RUNX1: variants seen among roughly 807,000 people sequenced by gnomAD.
The protein encoded by RUNX1 is RUNX family transcription factor 1.
RUNX1 carries 19 observed loss-of-function variants against 42.8 expected under a neutral mutation model. The ratio of observed to expected loss-of-function variants is 0.44; its 90% CI spans 0.31 to 0.65. The LOEUF (loss-of-function observed/expected upper bound fraction) is 0.65, where lower values mean the gene tolerates loss of function less well. Ranked by LOEUF, RUNX1 falls within the 30% of genes least tolerant of loss-of-function variation. The pLI is 0.07. For missense variants in RUNX1, 528 were observed against 672.0 expected (o/e 0.79, Z 2.37); for synonymous variants, 271 against 289.4 (o/e 0.94, Z 0.64).
At chr21:34,949,822 C>A (rs940626106) in intron 2 of RUNX1, among the ~76,000 whole-genome samples, 2 of 152,336 alleles carry the variant, frequency 1.3e-5, no homozygotes, top group Middle Eastern at 3.4e-3. Context: ...AGGAACTAGG[C>A]CCTGGGAGTA....
intron 2 of RUNX1, among the ~76,000 whole-genome samples, chr21:34,968,504 C>G (rs2058737237): frequency 6.6e-6 from 1 of 152,132 alleles, no homozygotes; most frequent in Non-Finnish European, 1.5e-5. Flanking sequence ...AACACCTTTC[C>G]TACCTTACCG....
intron 2 of RUNX1, among the ~76,000 whole-genome samples, chr21:34,927,420 TA>T: frequency 6.6e-6 from 1 of 152,228 alleles, no homozygotes; most frequent in Non-Finnish European, 1.5e-5. Context: ...ATGATGCAAC[TA>T]GTTTCCCAGA....
intron 8 of RUNX1, among the ~76,000 whole-genome samples, chr21:34,795,643 C>T (rs1430565495): frequency 6.6e-6 from 1 of 152,184 alleles, no homozygotes; most frequent in Non-Finnish European, 1.5e-5. Context: ...TGAGGCTGCC[C>T]TTCCTTGGCC....
At chr21:34,969,776 C>A (rs66816131) in intron 2 of RUNX1, among the ~76,000 whole-genome samples, 59,769 of 148,766 alleles carry the variant, frequency 0.4, 12,568 homozygotes, top group East Asian at 0.56. Context: ...AAAAAAAAAA[C>A]AAAGGCCAGG....
rs868387185 is a variant in RUNX1, at chr21:34,792,191, G to T, written c.1387C>A (p.Pro463Thr). 6.5e-7 allele frequency: 1 copy of T among 1,537,356 alleles called. No individual in the cohort carries two copies. Among genetic ancestry groups the T allele is most frequent in the East Asian group, 2.4e-5 (1 of 41,450 alleles). Residue 463 changes from proline (P) to threonine (T), a missense_variant, in exon 9 of 9, where the codon CCC (proline) becomes ACC (threonine). Coordinates refer to ENST00000675419, the MANE Select transcript of RUNX1 (RefSeq NM_001754.5). The surrounding 1 kb of genome is among the most constrained non-coding windows in gnomAD (Gnocchi z 6.9). ...VEAEGSHSNS[P>T]TNMAPSARLE... ...CGCGCGGAGGGCGCCATGTTGGTGG[G>T]GGAGTTGCTGTGGCTGCCCTCGGCC...
chr21:34,982,157 C>T (rs552788767), intron 2 of RUNX1, among the ~76,000 whole-genome samples: 3 of 152,292 alleles, frequency 2.0e-5, no homozygotes, highest in African/African-American at 7.2e-5. Flanking sequence ...GATATTAGCG[C>T]TTATCTACTC....
Position 34,873,202 on chromosome 21 carries a change from T to C in RUNX1, c.508+7355A>G, listed in dbSNP as rs191440262. On this transcript the variant is annotated intron_variant, in intron 5 of 8. Coordinates refer to ENST00000675419, the MANE Select transcript of RUNX1 (RefSeq NM_001754.5). ...AATGCCTTGAGCAAACTGGAGTGTT[T>C]CCACCTCCAGAGATCTGATGAGCAC... Among the ~76,000 whole-genome samples, 3 of 152,348 alleles carry C rather than the reference T, an allele frequency of 2.0e-5. No homozygotes were observed. The East Asian group carries it at 5.8e-4, about 29-fold the overall frequency.
intron 2 of RUNX1, among the ~76,000 whole-genome samples, chr21:35,035,919 T>C (rs1028023303): frequency 6.6e-6 from 1 of 152,164 alleles, no homozygotes; most frequent in African/African-American, 2.4e-5. Flanking sequence ...ACTGCTTCCA[T>C]GTAAATGATG....
At chr21:34,807,372 A>G (rs1482500124) in intron 7 of RUNX1, among the ~76,000 whole-genome samples, 2 of 152,094 alleles carry the variant, frequency 1.3e-5, no homozygotes, top group Non-Finnish European at 2.9e-5. Context: ...GGAGAAGGTT[A>G]TAGTTAGAAA....
chr21:34,885,147 A>C (rs1223952325), intron 4 of RUNX1, among the ~76,000 whole-genome samples: 2 of 152,152 alleles, frequency 1.3e-5, no homozygotes, highest in Non-Finnish European at 2.9e-5. Flanking sequence ...GAGGGAGTTC[A>C]GAAGAGACCC....
chr21:34,936,459 A>G (rs1174116768), intron 2 of RUNX1, among the ~76,000 whole-genome samples: 1 of 152,174 alleles, frequency 6.6e-6, no homozygotes, highest in Admixed American at 6.6e-5. Context: ...TTGGTAGCTA[A>G]CCCATCTCCT....
At chr21:34,976,340 A>G (rs528812580) in intron 2 of RUNX1, among the ~76,000 whole-genome samples, 2 of 152,300 alleles carry the variant, frequency 1.3e-5, no homozygotes, top group South Asian at 4.1e-4. Context: ...TTTCATGATC[A>G]CTATCCTTCC....
chr21:34,889,760 C>A, intron 3 of RUNX1: 1 of 1,155,284 alleles, frequency 8.7e-7, no homozygotes. Flanking sequence ...CGGAGGGCCC[C>A]GCCCCCGGTC....
At chr21:34,830,547 G>A (rs1276702389) in intron 7 of RUNX1, among the ~76,000 whole-genome samples, 7 of 152,100 alleles carry the variant, frequency 4.6e-5, no homozygotes, top group Admixed American at 1.3e-4. Flanking sequence ...GATTCTTCTC[G>A]ACACTGGTCA....
At chr21:34,977,317 A>ACTGC (rs2058810398) in intron 2 of RUNX1, among the ~76,000 whole-genome samples, 1 of 152,216 alleles carries the variant, frequency 6.6e-6, no homozygotes, top group African/African-American at 2.4e-5. Context: ...TAATTGGTGA[A>ACTGC]CTGCTATTAT....
intron 2 of RUNX1, among the ~76,000 whole-genome samples, chr21:35,010,609 G>T (rs943635253): frequency 8.7e-5 from 13 of 149,774 alleles, no homozygotes; most frequent in African/African-American, 2.8e-4. Context: ...TCACACTACC[G>T]TGAGTACACA....
At chr21:34,889,626 G>A (rs938698494) in intron 3 of RUNX1, 3 of 1,076,890 alleles carry the variant, frequency 2.8e-6, no homozygotes, top group Non-Finnish European at 3.4e-6. Flanking sequence ...AGCGGCCCCC[G>A]CTCCTCTCCC....
At chr21:34,934,098 C>T (rs1480368252) in intron 2 of RUNX1, among the ~76,000 whole-genome samples, 2 of 152,148 alleles carry the variant, frequency 1.3e-5, no homozygotes, top group African/African-American at 2.4e-5. Flanking sequence ...ACAGCAGATT[C>T]GTACAGCTTT....
At chr21:34,828,975 C>T (rs567486673) in intron 7 of RUNX1, among the ~76,000 whole-genome samples, 2 of 152,266 alleles carry the variant, frequency 1.3e-5, no homozygotes, top group South Asian at 4.1e-4. Context: ...GAGTGTTAAC[C>T]ATGGGCTGGC....
Sources: allele counts gnomAD v4.1 joint callset (sites outside exome capture counted in the v4.1 genomes callset), GRCh38; gene constraint gnomAD v4.1.1; non-coding constraint Gnocchi (gnomAD v3.1); transcripts MANE v1.5; gene names NCBI Gene and HGNC (gene_info 2026-07-23, HGNC 2026-07-21).